The following ANO10 variants were observed in gnomAD, a reference collection of about 807,000 sequenced individuals.
ANO10 encodes anoctamin 10, also known as anoctamin-10.
Under a neutral mutation model 74.7 loss-of-function variants are expected in ANO10, and 77 were observed. That is an observed-to-expected ratio of 1.03 (90% CI 0.86 to 1.25). ANO10 has a LOEUF of 1.25. Ranked by LOEUF, ANO10 falls within the 50% of genes most tolerant of loss-of-function variation. The probability of loss-of-function intolerance (pLI) is 0.00; values close to 1 mark genes in which losing one functional copy is unlikely to be tolerated. For missense variants in ANO10, 721 were observed against 778.1 expected (o/e 0.93, Z 0.87); for synonymous variants, 279 against 284.9 (o/e 0.98, Z 0.21).
At chr3:43,557,802 A>T (rs987413921) in intron 9 of ANO10, among the ~76,000 whole-genome samples, 1 of 150,790 alleles carries the variant, frequency 6.6e-6, no homozygotes, top group Non-Finnish European at 1.5e-5. Context: ...TTTGATGCTT[A>T]CCATATTATT....
At chr3:43,504,280 ATAGGTAGGTAGG>A (rs202181247) in intron 11 of ANO10, among the ~76,000 whole-genome samples, 2 of 143,554 alleles carry the variant, frequency 1.4e-5, no homozygotes, top group African/African-American at 5.2e-5. Flanking sequence ...AAATAAGTAG[ATAGGTAGGTAGG>A]TAGGTAGGTA....
chr3:43,424,990 C>G (rs1251310163), intron 12 of ANO10, among the ~76,000 whole-genome samples: 1 of 152,000 alleles, frequency 6.6e-6, no homozygotes, highest in African/African-American at 2.4e-5. Flanking sequence ...TGACTTGGGG[C>G]CCCAGGAAGT....
chr3:43,667,540 G>A (rs557850504), intron 1 of ANO10, among the ~76,000 whole-genome samples: 5 of 152,044 alleles, frequency 3.3e-5, no homozygotes, highest in African/African-American at 1.2e-4. Context: ...CTCGCCACCT[G>A]AGCAGTATAC....
rs367784953 is a variant in ANO10, at chr3:43,565,732, CAAA to C, written c.1219-8_1219-6del. 1.7e-3 allele frequency: 2,118 copies of C among 1,260,948 alleles called. No individual in the cohort carries two copies. The highest frequency in any genetic ancestry group is 1.9e-3 in the Admixed American group (61 of 32,970). The allele number at this position is 1,260,948 out of a possible 1,614,324, so 78.1% of individuals were successfully genotyped here. ...AAAGCAATTGAGGAAGTTGAACTGCCAAAAAAAAAAAAAAAAAAGATAAGTGTT... is the reference window on the plus strand; with the variant it reads ...AAAGCAATTGAGGAAGTTGAACTGCCAAAAAAAAAAAAAAAGATAAGTGTT... On this transcript the variant is annotated splice_region_variant and splice_polypyrimidine_tract_variant and intron_variant, in intron 7 of 12. Coordinates refer to ENST00000292246, the MANE Select transcript of ANO10 (RefSeq NM_018075.5).
chr3:43,594,932 T>C (rs971280957), intron 4 of ANO10, among the ~76,000 whole-genome samples: 1 of 151,976 alleles, frequency 6.6e-6, no homozygotes, highest in African/African-American at 2.4e-5. Context: ...AAAGGGGATA[T>C]CACCACCGAT....
chr3:43,385,422 G>A lies in ANO10; in HGVS notation c.1915-18448C>T, dbSNP rs978933405. Among the ~76,000 whole-genome samples the A allele has an allele frequency of 9.2e-5, 14 of 152,258 alleles. 1 individual carries two copies. The highest frequency in any genetic ancestry group is 7.7e-4 in the East Asian group (4 of 5,188). On this transcript the variant is annotated intron_variant, in intron 12 of 12. Coordinates refer to ENST00000292246, the MANE Select transcript of ANO10 (RefSeq NM_018075.5). Reference sequence around the variant, plus strand: ...CCCACTACTAGGTATCTCCCCAGAGGAAAAGAAATTATTATACGAAAAAGA... The same window carrying A: ...CCCACTACTAGGTATCTCCCCAGAGAAAAAGAAATTATTATACGAAAAAGA...
intron 4 of ANO10, among the ~76,000 whole-genome samples, chr3:43,595,476 T>C (rs2082031058): frequency 6.6e-6 from 1 of 152,164 alleles, no homozygotes; most frequent in Non-Finnish European, 1.5e-5. Context: ...TCAATAAACA[T>C]AATCCATCGT....
chr3:43,609,874 G>A (rs1245240145), intron 1 of ANO10, among the ~76,000 whole-genome samples: 1 of 152,180 alleles, frequency 6.6e-6, no homozygotes, highest in African/African-American at 2.4e-5. Context: ...GGAGCTTGCA[G>A]GACTGGAAGT....
intron 12 of ANO10, among the ~76,000 whole-genome samples, chr3:43,422,566 C>A (rs997698170): frequency 7.2e-5 from 11 of 152,188 alleles, no homozygotes; most frequent in African/African-American, 2.7e-4. Flanking sequence ...AGCATAGTGG[C>A]CCCAAGGCCT....
chr3:43,396,512 G>A (rs1005305900), intron 12 of ANO10, among the ~76,000 whole-genome samples: 23 of 151,552 alleles, frequency 1.5e-4, no homozygotes, highest in African/African-American at 4.9e-4. Flanking sequence ...CTAATTTTTT[G>A]TATTTTTAGT....
intron 11 of ANO10, among the ~76,000 whole-genome samples, chr3:43,479,626 T>C (rs1202526511): frequency 2.0e-5 from 3 of 152,142 alleles, no homozygotes; most frequent in Non-Finnish European, 2.9e-5. Flanking sequence ...GAAAAGTTAA[T>C]TACCAAATGG....
At chr3:43,669,774 C>T (rs531092547) in intron 1 of ANO10, among the ~76,000 whole-genome samples, 5 of 152,016 alleles carry the variant, frequency 3.3e-5, no homozygotes, top group Non-Finnish European at 4.4e-5. Flanking sequence ...TCGCCCAGGC[C>T]AGAGTGCAGT....
At chr3:43,566,947 A>C (rs1345613730) in intron 7 of ANO10, among the ~76,000 whole-genome samples, 2 of 152,186 alleles carry the variant, frequency 1.3e-5, no homozygotes, top group African/African-American at 4.8e-5. Flanking sequence ...AAAATTCAGA[A>C]GAATCTATAA....
At chr3:43,580,850 T>C (rs866572827) in intron 4 of ANO10, among the ~76,000 whole-genome samples, 2 of 152,062 alleles carry the variant, frequency 1.3e-5, no homozygotes, top group Non-Finnish European at 2.9e-5. Flanking sequence ...ATACACACTA[T>C]GTTGTTTCAT....
chr3:43,661,313 T>A (rs1341364040), intron 1 of ANO10, among the ~76,000 whole-genome samples: 1 of 152,168 alleles, frequency 6.6e-6, no homozygotes, highest in African/African-American at 2.4e-5. Flanking sequence ...CTAAGCTTCA[T>A]AAGTGAAGGA....
At chr3:43,417,957 T>C (rs909869475) in intron 12 of ANO10, among the ~76,000 whole-genome samples, 3 of 152,078 alleles carry the variant, frequency 2.0e-5, no homozygotes, top group Admixed American at 2.0e-4. Context: ...GTCTTGGATG[T>C]TAAACTGGAG....
At chr3:43,562,756 A>G (rs188433315) in intron 8 of ANO10, among the ~76,000 whole-genome samples, 1 of 152,200 alleles carries the variant, frequency 6.6e-6, no homozygotes, top group Admixed American at 6.5e-5. Context: ...CCAGGTATCT[A>G]TATGCAGAAG....
At chr3:43,381,637 C>T (rs1454801041) in intron 12 of ANO10, among the ~76,000 whole-genome samples, 1 of 152,156 alleles carries the variant, frequency 6.6e-6, no homozygotes, top group Non-Finnish European at 1.5e-5. Flanking sequence ...TTCAATACTC[C>T]ACTGACAGCA....
rs888080764 is a variant in ANO10 at position 43,667,684 on chromosome 3, C to T, written c.-12+23833G>A. ...CTTAGCTCTCACTTATAAATGAGAA[C>T]ATATGATATTTGGTTTTCTACTGCT... On this transcript the variant is annotated intron_variant, in intron 1 of 3. Transcript: ENST00000413397. Among the ~76,000 whole-genome samples the T allele has an allele frequency of 4.6e-5, 7 of 152,172 alleles. No individual in the cohort carries two copies. The East Asian group carries it at 1.3e-3, about 29-fold the overall frequency.
Sources: gnomAD v4.1 joint callset for allele counts (sites outside exome capture counted in the v4.1 genomes callset) on GRCh38, gnomAD v4.1.1 for gene constraint, MANE v1.5 for transcripts, NCBI Gene and HGNC (gene_info 2026-07-23, HGNC 2026-07-21) for gene names.